The following PAPPA variants were observed in gnomAD, a reference collection of about 807,000 sequenced individuals.
PAPPA encodes the protein pappalysin-1.
Under a neutral mutation model 164.0 loss-of-function variants are expected in PAPPA, and 60 were observed. The ratio of observed to expected loss-of-function variants is 0.37; its 90% CI spans 0.30 to 0.45. PAPPA has a LOEUF of 0.45. PAPPA is among the 20% of genes least tolerant of loss of function. The pLI is 1.00. For synonymous variants in PAPPA, 875 were observed against 814.1 expected (o/e 1.07, Z -1.27); for missense variants, 1,782 against 2,087.3 (o/e 0.85, Z 2.85).
intron 20 of PAPPA, among the ~76,000 whole-genome samples, chr9:116,379,859 A>C (rs1263274550): frequency 6.6e-6 from 1 of 152,162 alleles, no homozygotes; most frequent in Non-Finnish European, 1.5e-5. Flanking sequence ...GTTTGTCTGA[A>C]TGCGTTACTA....
chr9:116,236,506 G>A (rs918376923), intron 7 of PAPPA, among the ~76,000 whole-genome samples: 1 of 149,208 alleles, frequency 6.7e-6, no homozygotes, highest in African/African-American at 2.5e-5. Flanking sequence ...AGAATCTCTT[G>A]AATCCAGGAG....
At chr9:116,335,584 A>C (rs1277884932) in intron 13 of PAPPA, among the ~76,000 whole-genome samples, 2 of 152,114 alleles carry the variant, frequency 1.3e-5, no homozygotes, top group Non-Finnish European at 2.9e-5. Flanking sequence ...CTGTGACCTC[A>C]TGAGTGGTCT....
chr9:116,214,452 G>C (rs575831548), intron 4 of PAPPA, among the ~76,000 whole-genome samples: 36 of 152,146 alleles, frequency 2.4e-4, no homozygotes, highest in Non-Finnish European at 4.9e-4. Context: ...ACAAGGCAAA[G>C]GTGAAATCTA....
chr9:116,306,103 T>G (rs569920141), intron 10 of PAPPA, among the ~76,000 whole-genome samples: 3 of 152,192 alleles, frequency 2.0e-5, no homozygotes, highest in Non-Finnish European at 4.4e-5. Context: ...CTTTCTGTCT[T>G]TCCCTGATGC....
intron 21 of PAPPA, among the ~76,000 whole-genome samples, chr9:116,384,270 T>TTAA (rs3040228): frequency 0.026 from 3,604 of 138,240 alleles, 66 homozygotes; most frequent in African/African-American, 0.045. Context: ...CTACACGTAA[T>TTAA]TAATAATAAT....
chr9:116,371,286 G>A (rs1001832589), intron 19 of PAPPA, among the ~76,000 whole-genome samples: 24 of 152,064 alleles, frequency 1.6e-4, no homozygotes, highest in Non-Finnish European at 2.4e-4. Context: ...GCATGGTGGC[G>A]CACACCTGTA....
At chr9:116,162,957 A>G (rs1843684758) in intron 1 of PAPPA, among the ~76,000 whole-genome samples, 6 of 152,108 alleles carry the variant, frequency 3.9e-5, no homozygotes, top group Admixed American at 3.3e-4. Flanking sequence ...GTCATTTAAA[A>G]AAAAATAGTG....
intron 7 of PAPPA, among the ~76,000 whole-genome samples, chr9:116,263,214 G>A (rs988082308): frequency 6.6e-6 from 1 of 152,170 alleles, no homozygotes; most frequent in Non-Finnish European, 1.5e-5. Flanking sequence ...CAAATATGAT[G>A]TTAGTGGATA....
At chr9:116,294,922 T>A (rs1024329774) in intron 9 of PAPPA, among the ~76,000 whole-genome samples, 17 of 152,242 alleles carry the variant, frequency 1.1e-4, no homozygotes, top group Admixed American at 3.9e-4. Flanking sequence ...CTGTCCTATC[T>A]TTATTTGCAA....
At chr9:116,318,537 C>T (rs922869305) in intron 10 of PAPPA, 5 of 152,078 alleles carry the variant, frequency 3.3e-5, no homozygotes, top group East Asian at 1.9e-4. Context: ...CAAACCACTG[C>T]CTCTCACCCT....
chr9:116,312,202 C>T (rs1025727631), intron 10 of PAPPA, among the ~76,000 whole-genome samples: 1 of 152,134 alleles, frequency 6.6e-6, no homozygotes, highest in Non-Finnish European at 1.5e-5. Flanking sequence ...GGACCAGAAA[C>T]CTTTCTTTTA....
chr9:116,259,645 G>T (rs1242580238), intron 7 of PAPPA, among the ~76,000 whole-genome samples: 1 of 152,152 alleles, frequency 6.6e-6, no homozygotes, highest in Non-Finnish European at 1.5e-5. Context: ...ATATTTGGCA[G>T]AATCAAGTGC....
At chr9:116,378,638 G>C (rs1002174861) in intron 20 of PAPPA, among the ~76,000 whole-genome samples, 1 of 152,184 alleles carries the variant, frequency 6.6e-6, no homozygotes, top group Non-Finnish European at 1.5e-5. Context: ...TCTAAAATTT[G>C]ATGGAATGCC....
rs984391879 is a variant in PAPPA at position 116,226,795 on chromosome 9, C to T, written c.2112-636C>T. 3.9e-5 allele frequency among the ~76,000 whole-genome samples: 6 copies of T among 152,226 alleles called. No homozygotes were observed. The South Asian group carries it at 1.2e-3, about 32-fold the overall frequency. ...AATATTCCACTTCTGGGACTGGTCC[C>T]ATTGAGGGATTGGCTAGCCCCTTGG... On this transcript the variant is annotated intron_variant, in intron 5 of 21. Transcript: ENST00000328252.
chr9:116,332,348 C>T lies in PAPPA; in HGVS notation c.3277C>T (p.Pro1093Ser), dbSNP rs755070797. The T allele has an allele frequency of 9.3e-6, 15 of 1,613,478 alleles. No individual in the cohort carries two copies. The highest frequency in any genetic ancestry group is 1.2e-5 in the Non-Finnish European group (14 of 1,179,616). The change falls in exon 12 of 22, where the codon CCA (proline) becomes TCA (serine). Residue 1093 changes from proline to serine, a missense_variant. Physicochemically the swap from Pro to Ser is moderately conservative, Grantham distance 74. Transcript: ENST00000328252. ...ACAATTTCAGGCGTATTTTTCTCAA[C>T]CAATGGTTGCCGCAGCTGTCATTGT... ...TFWLRAYFSQ[P>S]MVAAAVIVHL...
chr9:116,227,522 T>G lies in PAPPA; in HGVS notation c.2203T>G (p.Ser735Ala). The G allele has an allele frequency of 6.2e-7, 1 of 1,614,052 alleles. No individual in the cohort carries two copies. The change falls in exon 6 of 22, where the codon TCA becomes GCA. Residue 735 changes from serine (S) to alanine (A), a missense_variant. Coordinates refer to ENST00000328252, the MANE Select transcript of PAPPA (RefSeq NM_002581.5). ...TTCCTCCCCAATGCCCTGCAGCCCA[T>G]CAGGACACTGGAGCCCTCGTGAAGC... ...NASSPMPCSP[S>A]GHWSPREAEG...
chr9:116,388,476 G>A (rs1157642204), intron 21 of PAPPA, among the ~76,000 whole-genome samples: 4 of 152,186 alleles, frequency 2.6e-5, no homozygotes, highest in Non-Finnish European at 5.9e-5. Context: ...TGGTGGCCTG[G>A]AACACTAGTT....
chr9:116,319,900 GA>G (rs2118924575), intron 10 of PAPPA, among the ~76,000 whole-genome samples: 1 of 152,314 alleles, frequency 6.6e-6, no homozygotes, highest in South Asian at 2.1e-4. Context: ...TGATGGCAAA[GA>G]AAACATGTTA....
intron 7 of PAPPA, among the ~76,000 whole-genome samples, chr9:116,262,441 G>A (rs745729654): frequency 8.5e-5 from 13 of 152,200 alleles, no homozygotes; most frequent in Non-Finnish European, 1.5e-4. Flanking sequence ...TAAAATTTTA[G>A]TTCCAAAGAA....
Sources: gnomAD v4.1 joint callset for allele counts (sites outside exome capture counted in the v4.1 genomes callset) on GRCh38, gnomAD v4.1.1 for gene constraint, MANE v1.5 for transcripts, NCBI Gene and HGNC (gene_info 2026-07-23, HGNC 2026-07-21) for gene names.